The following NGEF variants were observed in gnomAD, a reference collection of about 807,000 sequenced individuals.
NGEF encodes the protein ephexin-1.
Under a neutral mutation model 80.9 loss-of-function variants are expected in NGEF, and 31 were observed. The observed-to-expected ratio is 0.38, with a 90% CI of 0.29 to 0.52. NGEF has a LOEUF of 0.52. NGEF is among the 20% of genes least tolerant of loss of function. The probability of loss-of-function intolerance (pLI) is 0.84; values close to 1 mark genes in which losing one functional copy is unlikely to be tolerated. For synonymous variants in NGEF, 371 were observed against 370.2 expected, an observed-to-expected ratio of 1.00 and a Z score of -0.03; for missense variants, 709 against 926.2, an observed-to-expected ratio of 0.77 and a Z score of 3.04.
At chr2:232,912,484 T>C (rs555341311) in intron 5 of NGEF, among the ~76,000 whole-genome samples, 2 of 152,344 alleles carry the variant, frequency 1.3e-5, no homozygotes, top group South Asian at 2.1e-4. Context: ...ACTATTCTTA[T>C]ACTGTCTTTC....
At chr2:232,910,521 C>T (rs1012281494) in intron 5 of NGEF, among the ~76,000 whole-genome samples, 2 of 152,184 alleles carry the variant, frequency 1.3e-5, no homozygotes, top group African/African-American at 4.8e-5. Flanking sequence ...CACAAGGCAG[C>T]CCCTGCAACA....
chr2:232,947,722 C>T (rs1391692517), intron 3 of NGEF, among the ~76,000 whole-genome samples: 3 of 152,112 alleles, frequency 2.0e-5, no homozygotes, highest in African/African-American at 7.2e-5. Flanking sequence ...ATCTTTATAG[C>T]AGTGTGAGAA....
Position 232,894,821 on chromosome 2 carries a change from G to T in NGEF, c.924C>A (p.Ile308=), listed in dbSNP as rs761731280. Residue 308 remains isoleucine (I), a synonymous_variant, in exon 6 of 15, where the codon ATC becomes ATA. Transcript: ENST00000264051. ...GGATGTGCGCCTCGGACGGGTGCAG[G>T]ATCTTCCTTATCCGCTCGTTCTCCA... ...HFMENERIRK[I]LHPSEAHILF... 8 of 1,611,610 alleles carry T rather than the reference G, an allele frequency of 5.0e-6. No individual in the cohort carries two copies. In the South Asian group the frequency reaches 8.8e-5, roughly 18 times the overall value.
intron 4 of NGEF, among the ~76,000 whole-genome samples, chr2:232,926,811 G>T (rs1197759396): frequency 6.6e-6 from 1 of 152,192 alleles, no homozygotes; most frequent in Non-Finnish European, 1.5e-5. Context: ...AGACCTCTCC[G>T]CAGAGAGCAG....
intron 5 of NGEF, among the ~76,000 whole-genome samples, chr2:232,900,121 C>T (rs1220908714): frequency 2.1e-5 from 3 of 139,608 alleles, no homozygotes; most frequent in Non-Finnish European, 3.0e-5. Flanking sequence ...CTCATATACA[C>T]GTTCACTCAC....
intron 1 of NGEF, among the ~76,000 whole-genome samples, chr2:232,982,904 C>T (rs113226223): frequency 7.2e-5 from 11 of 152,300 alleles, no homozygotes; most frequent in African/African-American, 2.6e-4. Context: ...AAGTTTCTGG[C>T]TTGGCAGAAA....
At chr2:232,978,795 T>C (rs1405473372) in intron 1 of NGEF, among the ~76,000 whole-genome samples, 2 of 152,186 alleles carry the variant, frequency 1.3e-5, no homozygotes, top group Admixed American at 6.5e-5. Flanking sequence ...TAGAGGCTCA[T>C]CCGTGGCTCA....
chr2:232,987,954 C>T (rs1203844320), intron 1 of NGEF, among the ~76,000 whole-genome samples: 2 of 151,890 alleles, frequency 1.3e-5, no homozygotes, highest in Admixed American at 1.3e-4. Context: ...ATAGGAGACC[C>T]AAGCTGGAGA....
intron 1 of NGEF, among the ~76,000 whole-genome samples, chr2:232,976,802 A>C (rs1031895322): frequency 6.6e-6 from 1 of 152,138 alleles, no homozygotes; most frequent in Admixed American, 6.5e-5. Context: ...CTTCCCCACC[A>C]CGGTCGTCTG....
intron 3 of NGEF, among the ~76,000 whole-genome samples, chr2:232,950,665 C>T (rs1693659837): frequency 6.6e-6 from 1 of 152,216 alleles, no homozygotes; most frequent in African/African-American, 2.4e-5. Flanking sequence ...CTTGGGCATA[C>T]CCCATTCCAG....
chr2:232,894,981 C>T, intron 5 of NGEF, 65 bp from the exon 6 acceptor site: 3 of 1,499,360 alleles, frequency 2.0e-6, no homozygotes, highest in Middle Eastern at 1.8e-4. Flanking sequence ...CTAGCCTTGG[C>T]TGAGACAGAG....
At chr2:232,891,202 G>T in intron 8 of NGEF, 156 bp downstream of exon 8, 1 of 990,664 alleles carries the variant, frequency 1.0e-6, no homozygotes, top group Non-Finnish European at 1.5e-6. Context: ...GGGAGCAGGC[G>T]CTGCATCCTC....
chr2:232,892,162 C>T lies in NGEF; in HGVS notation c.1143-675G>A, dbSNP rs1165949017. Among the ~76,000 whole-genome samples, 1 of 152,184 alleles carries T rather than the reference C, an allele frequency of 6.6e-6. No individual in the cohort carries two copies. Among genetic ancestry groups the T allele is most frequent in the African/African-American group, 2.4e-5 (1 of 41,428 alleles). ...CTCAAAAATTGCATCCTCATTCCCT[C>T]CAATTCCAATTTTCCTTCACCAACT... On this transcript the variant is annotated intron_variant, in intron 7 of 14. Transcript: ENST00000264051. This position sits in a 1 kb window ranked among gnomAD's most constrained non-coding sequence, Gnocchi z 4.0.
intron 3 of NGEF, among the ~76,000 whole-genome samples, chr2:232,943,598 C>T (rs1239984009): frequency 1.3e-5 from 2 of 151,676 alleles, no homozygotes; most frequent in East Asian, 2.0e-4. Flanking sequence ...CGGGTTCACG[C>T]CATTCTCCTG....
At chr2:233,010,936 C>G (rs1020982705) in intron 1 of NGEF, among the ~76,000 whole-genome samples, 2 of 152,066 alleles carry the variant, frequency 1.3e-5, no homozygotes, top group Non-Finnish European at 2.9e-5. Flanking sequence ...CCAGCAGCCT[C>G]CTGAAGACAC....
At chr2:233,007,315 G>C (rs115461442) in intron 1 of NGEF, among the ~76,000 whole-genome samples, 2 of 152,110 alleles carry the variant, frequency 1.3e-5, no homozygotes, top group Non-Finnish European at 2.9e-5. Flanking sequence ...CAGCTTTAAC[G>C]ATCACAGAGT....
chr2:232,980,278 A>T (rs914907245), intron 1 of NGEF, among the ~76,000 whole-genome samples: 1 of 152,074 alleles, frequency 6.6e-6, no homozygotes, highest in Non-Finnish European at 1.5e-5. Flanking sequence ...GGGGACAAGG[A>T]GGTGGGGAGT....
At chr2:232,971,093 G>A (rs1013488554) in intron 2 of NGEF, among the ~76,000 whole-genome samples, 3 of 152,130 alleles carry the variant, frequency 2.0e-5, no homozygotes, top group African/African-American at 4.8e-5. Context: ...GGATTTTTAG[G>A]CAATGATCTG....
rs549562882 is a variant in NGEF, at chr2:232,902,398, C to T, written c.829-7482G>A. Among the ~76,000 whole-genome samples the T allele has an allele frequency of 6.8e-4, 104 of 152,280 alleles. 1 individual carries two copies. The highest frequency in any genetic ancestry group is 1.5e-3 in the South Asian group (7 of 4,826). On this transcript the variant is annotated intron_variant, in intron 5 of 14. Transcript: ENST00000264051. ...ATTCGAGGCCGGACTGAGCAGGTCCCGTGAGCAGCGTGGGGAGTGGGGGCT... is the reference window on the plus strand; with the variant it reads ...ATTCGAGGCCGGACTGAGCAGGTCCTGTGAGCAGCGTGGGGAGTGGGGGCT...
Sources: allele counts gnomAD v4.1 joint callset (sites outside exome capture counted in the v4.1 genomes callset), GRCh38; gene constraint gnomAD v4.1.1; non-coding constraint Gnocchi (gnomAD v3.1); transcripts MANE v1.5; gene names NCBI Gene and HGNC (gene_info 2026-07-23, HGNC 2026-07-21).